Variants in PRELID2 observed in about 807,000 individuals in gnomAD.
PRELID2 encodes the protein PRELI domain-containing protein 2.
In PRELID2, 25 loss-of-function variants were observed where a neutral mutation model predicts 28.4. The observed-to-expected ratio is 0.88, with a 90% CI of 0.64 to 1.23. The LOEUF is 1.23. Ranked by LOEUF, PRELID2 falls within the 50% of genes most tolerant of loss-of-function variation. PRELID2 has a pLI of 0.00. For missense variants in PRELID2, 201 were observed against 214.4 expected (o/e 0.94, Z 0.39); for synonymous variants, 76 against 71.6 (o/e 1.06, Z -0.31).
the PRELID2 span, among the ~76,000 whole-genome samples, chr5:145,369,213 C>T: frequency 6.6e-6 from 1 of 151,998 alleles, no homozygotes; most frequent in South Asian, 2.1e-4. Context: ...GTTACATATG[C>T]ATACATGTGA....
chr5:145,452,094 C>T, the PRELID2 span, among the ~76,000 whole-genome samples: 2 of 152,186 alleles, frequency 1.3e-5, no homozygotes, highest in Non-Finnish European at 2.9e-5. Flanking sequence ...GTTCACTCTA[C>T]AGTACAATTC....
chr5:145,810,722 C>A (rs1753867603), intron 4 of PRELID2, among the ~76,000 whole-genome samples: 1 of 152,012 alleles, frequency 6.6e-6, no homozygotes, highest in African/African-American at 2.4e-5. Flanking sequence ...ATCTGCTGAC[C>A]ACTATGGGCT....
At chr5:145,724,964 T>G (rs1220990958) in intron 1 of PRELID2, among the ~76,000 whole-genome samples, 1 of 151,572 alleles carries the variant, frequency 6.6e-6, no homozygotes, top group Admixed American at 6.6e-5. Flanking sequence ...GCTGGTCTCA[T>G]ACTCCTGGAC....
intron 1 of PRELID2, among the ~76,000 whole-genome samples, chr5:145,701,981 G>T (rs546805965): frequency 1.3e-4 from 20 of 152,048 alleles, no homozygotes; most frequent in African/African-American, 4.3e-4. Context: ...AACCTGGGAG[G>T]TGGAGGTTGT....
chr5:145,820,875 G>C (rs1371020917), intron 2 of PRELID2, among the ~76,000 whole-genome samples: 2 of 152,192 alleles, frequency 1.3e-5, no homozygotes, highest in East Asian at 3.8e-4. Flanking sequence ...AGGAAGGAAA[G>C]TACCAGTTAG....
At chr5:145,495,124 T>C (rs1169158480) in intron 1 of PRELID2, among the ~76,000 whole-genome samples, 3 of 152,164 alleles carry the variant, frequency 2.0e-5, no homozygotes, top group Non-Finnish European at 2.9e-5. Context: ...AATGTTCGCC[T>C]CCACCATGCC....
At chr5:145,417,821 T>G in the PRELID2 span, among the ~76,000 whole-genome samples, 1 of 152,122 alleles carries the variant, frequency 6.6e-6, no homozygotes, top group African/African-American at 2.4e-5. Context: ...GAGGCATTCC[T>G]CTTGAAAACC....
At chr5:145,281,649 T>G in the PRELID2 span, among the ~76,000 whole-genome samples, 2 of 152,252 alleles carry the variant, frequency 1.3e-5, no homozygotes, top group African/African-American at 4.8e-5. Flanking sequence ...CCACATGGAA[T>G]GAGCAGAGAT....
intron 1 of PRELID2, among the ~76,000 whole-genome samples, chr5:145,710,003 A>C (rs529025220): frequency 6.6e-6 from 1 of 152,202 alleles, no homozygotes; most frequent in African/African-American, 2.4e-5. Flanking sequence ...GGTTTTTTAA[A>C]TTGCTTTTTT....
chr5:145,584,623 A>T (rs532107830), intron 1 of PRELID2, among the ~76,000 whole-genome samples: 1 of 150,162 alleles, frequency 6.7e-6, no homozygotes, highest in East Asian at 1.9e-4. Flanking sequence ...AAGTGGGCAA[A>T]GGACATGAAC....
the PRELID2 span, among the ~76,000 whole-genome samples, chr5:145,308,945 G>C: frequency 1.3e-5 from 2 of 152,066 alleles, no homozygotes; most frequent in East Asian, 1.9e-4. Flanking sequence ...CTCCATCCTC[G>C]ACTCCACTCA....
the PRELID2 span, among the ~76,000 whole-genome samples, chr5:145,327,351 C>T: frequency 6.6e-6 from 1 of 152,070 alleles, no homozygotes; most frequent in South Asian, 2.1e-4. Flanking sequence ...GATGAATTGA[C>T]CACTTTATTA....
the PRELID2 span, among the ~76,000 whole-genome samples, chr5:145,379,101 C>T: frequency 8.5e-5 from 13 of 152,140 alleles, no homozygotes; most frequent in African/African-American, 3.1e-4. Flanking sequence ...AATGCACAGC[C>T]CCCAACTCCT....
At chr5:145,803,889 C>T (rs1753317840) in intron 4 of PRELID2, among the ~76,000 whole-genome samples, 1 of 152,076 alleles carries the variant, frequency 6.6e-6, no homozygotes, top group African/African-American at 2.4e-5. Flanking sequence ...AACCCCTTCC[C>T]CACCCCAGTT....
chr5:145,683,774 A>G (rs1408993387), intron 1 of PRELID2, among the ~76,000 whole-genome samples: 3 of 152,190 alleles, frequency 2.0e-5, no homozygotes, highest in Non-Finnish European at 2.9e-5. Flanking sequence ...ACACAGTTCA[A>G]CCTATAACGA....
intron 1 of PRELID2, among the ~76,000 whole-genome samples, chr5:145,683,733 T>A (rs2149690676): frequency 6.6e-6 from 1 of 152,282 alleles, no homozygotes; most frequent in Admixed American, 6.5e-5. Flanking sequence ...AGTTTAGGGC[T>A]TCAACACATG....
At chr5:145,393,701 A>G in the PRELID2 span, among the ~76,000 whole-genome samples, 5 of 152,344 alleles carry the variant, frequency 3.3e-5, no homozygotes, top group African/African-American at 1.2e-4. Flanking sequence ...CACAAAGTAT[A>G]TAACAAACTA....
chr5:145,687,154 C>T (rs913715508), intron 1 of PRELID2, among the ~76,000 whole-genome samples: 1 of 152,168 alleles, frequency 6.6e-6, no homozygotes, highest in African/African-American at 2.4e-5. Flanking sequence ...CATGTCAATA[C>T]TACTGTTATT....
chr5:145,301,930 C>A, the PRELID2 span, among the ~76,000 whole-genome samples: 1 of 110,206 alleles, frequency 9.1e-6, no homozygotes, highest in South Asian at 3.0e-4. Context: ...TTATTCATTT[C>A]TTTTTTTTTT....
Sources: allele counts gnomAD v4.1 joint callset (sites outside exome capture counted in the v4.1 genomes callset), GRCh38; gene constraint gnomAD v4.1.1; transcripts MANE v1.5; gene names NCBI Gene and HGNC (gene_info 2026-07-23, HGNC 2026-07-21).